Variants in NXN observed in about 807,000 individuals in gnomAD.
NXN encodes the protein nucleoredoxin.
A neutral mutation model predicts 48.6 loss-of-function variants in NXN; 16 were observed. That is an observed-to-expected ratio of 0.33 (90% CI 0.22 to 0.50). The LOEUF is 0.50. Ranked by LOEUF, NXN falls within the 20% of genes least tolerant of loss-of-function variation. NXN has a pLI of 0.98. For synonymous variants in NXN, 281 were observed against 269.6 expected, an observed-to-expected ratio of 1.04 and a Z score of -0.41; for missense variants, 492 against 605.5, an observed-to-expected ratio of 0.81 and a Z score of 1.97.
intron 1 of NXN, among the ~76,000 whole-genome samples, chr17:897,707 A>G (rs992091166): frequency 1.7e-4 from 26 of 151,720 alleles, no homozygotes; most frequent in African/African-American, 6.3e-4. Context: ...ATGGAGTCTC[A>G]CTCTGTCACC....
At chr17:907,445 T>C (rs1262115638) in intron 1 of NXN, among the ~76,000 whole-genome samples, 1 of 152,008 alleles carries the variant, frequency 6.6e-6, no homozygotes, top group Non-Finnish European at 1.5e-5. Context: ...GTTCAAGTGA[T>C]TCTCCTGCCT....
At chr17:805,466 G>A (rs1211050248) in intron 5 of NXN, among the ~76,000 whole-genome samples, 1 of 152,186 alleles carries the variant, frequency 6.6e-6, no homozygotes, top group Non-Finnish European at 1.5e-5. Flanking sequence ...GGGTCAGCCT[G>A]TAACCTGTCA....
At chr17:901,572 C>G (rs1275679912) in intron 1 of NXN, among the ~76,000 whole-genome samples, 1 of 152,196 alleles carries the variant, frequency 6.6e-6, no homozygotes, top group Non-Finnish European at 1.5e-5. Context: ...AGGACACCTC[C>G]CCCGTGAAAA....
chr17:855,448 T>C, intron 1 of NXN, among the ~76,000 whole-genome samples: 1 of 152,200 alleles, frequency 6.6e-6, no homozygotes, highest in East Asian at 1.9e-4. Context: ...TCTTTGCGGC[T>C]AGTAAAAACT....
chr17:841,691 A>AGAG (rs1567828246), intron 1 of NXN, among the ~76,000 whole-genome samples: 28 of 67,730 alleles, frequency 4.1e-4, no homozygotes, highest in East Asian at 6.8e-4. Context: ...TGACCATGGC[A>AGAG]CATCTCACGC....
At chr17:879,555 G>C (rs1597688562) in intron 1 of NXN, among the ~76,000 whole-genome samples, 1 of 152,118 alleles carries the variant, frequency 6.6e-6, no homozygotes, top group East Asian at 1.9e-4. Context: ...CCAAAGTGCT[G>C]GGACTACAGG....
chr17:898,968 T>C (rs2068512592), intron 1 of NXN, among the ~76,000 whole-genome samples: 1 of 40,698 alleles, frequency 2.5e-5, no homozygotes, highest in Admixed American at 2.9e-4. Context: ...TTTTTTTTCT[T>C]TTTTTTTGAG....
intron 1 of NXN, among the ~76,000 whole-genome samples, chr17:889,686 G>GAAGAAAGAAAGAAA (rs1567850170): frequency 2.5e-5 from 3 of 119,930 alleles, no homozygotes; most frequent in African/African-American, 9.2e-5. Context: ...GAAAAGAAAA[G>GAAGAAAGAAAGAAA]AAGAAAGAAA....
At chr17:808,975 C>T (rs939827014) in intron 5 of NXN, among the ~76,000 whole-genome samples, 9 of 152,176 alleles carry the variant, frequency 5.9e-5, no homozygotes, top group African/African-American at 2.2e-4. Flanking sequence ...CCGCACCCAG[C>T]CATTATATTC....
At position 821,582 on chromosome 17, in the gene NXN, C is replaced by T. The variant is rs1206058260; in HGVS notation, c.713+775G>A. On this transcript the variant is annotated intron_variant, in intron 4 of 7. Transcript: ENST00000336868. ...ACCATCCTGGCTAACATGGTGAAAC[C>T]CCATGGCTAATACAAAAAATTAGCC... Among the ~76,000 whole-genome samples, 8 of 76,922 alleles carry T rather than the reference C, an allele frequency of 1.0e-4. 4 individuals carry two copies. The highest frequency in any genetic ancestry group is 6.3e-4 in the African/African-American group (8 of 12,628). 50.5% of individuals were successfully genotyped at this position (76,922 alleles called of 152,430 possible).
chr17:949,978 C>T (rs1427251961), intron 1 of NXN, among the ~76,000 whole-genome samples: 1 of 152,002 alleles, frequency 6.6e-6, no homozygotes, highest in East Asian at 1.9e-4. Context: ...AGGTCCTGGT[C>T]CTCCTTGGAG....
At chr17:810,613 G>A (rs1171591914) in intron 5 of NXN, among the ~76,000 whole-genome samples, 1 of 152,090 alleles carries the variant, frequency 6.6e-6, no homozygotes, top group Non-Finnish European at 1.5e-5. Context: ...AAAGGAGCCG[G>A]GCACGGTGGC....
intron 5 of NXN, 71 bp downstream of exon 5, chr17:819,368 G>A (rs1912679477): frequency 9.5e-7 from 1 of 1,054,442 alleles, no homozygotes. Flanking sequence ...TTAAAGGAAA[G>A]CCAAAGACAC....
At chr17:930,774 C>CAT (rs2068844791) in intron 1 of NXN, among the ~76,000 whole-genome samples, 1 of 142,380 alleles carries the variant, frequency 7.0e-6, no homozygotes, top group Non-Finnish European at 1.5e-5. Flanking sequence ...GTTGAGTTTG[C>CAT]TTTTTTTTTT....
chr17:959,020 G>A (rs17693812), intron 1 of NXN: 26,276 of 244,954 alleles, frequency 0.11, 1,760 homozygotes, highest in Non-Finnish European at 0.12. Context: ...GGATGTGCGC[G>A]GAGCCGAGGG....
intron 5 of NXN, among the ~76,000 whole-genome samples, chr17:810,145 C>CCG (rs776381022): frequency 0.051 from 3,443 of 67,184 alleles, 172 homozygotes; most frequent in Admixed American, 0.072. Flanking sequence ...CGTTACGAGT[C>CCG]TGTGACTGGC....
At chr17:907,129 T>C (rs1005616503) in intron 1 of NXN, among the ~76,000 whole-genome samples, 4 of 148,046 alleles carry the variant, frequency 2.7e-5, no homozygotes, top group African/African-American at 9.9e-5. Context: ...TAATCTTTTT[T>C]TGGGGGGGCG....
intron 1 of NXN, among the ~76,000 whole-genome samples, chr17:952,827 A>G (rs80309136): frequency 0.012 from 1,191 of 95,888 alleles, 26 homozygotes; most frequent in African/African-American, 0.035. Flanking sequence ...GGGGGGCTGG[A>G]GTCAGACAGA....
intron 3 of NXN, among the ~76,000 whole-genome samples, chr17:823,090 A>T: frequency 7.6e-6 from 1 of 132,354 alleles, no homozygotes; most frequent in African/African-American, 3.1e-5. Flanking sequence ...ACAGAGCAAG[A>T]CTCTGTCTCA....
Sources: allele counts gnomAD v4.1 joint callset (sites outside exome capture counted in the v4.1 genomes callset), GRCh38; gene constraint gnomAD v4.1.1; transcripts MANE v1.5; gene names NCBI Gene and HGNC (gene_info 2026-07-23, HGNC 2026-07-21).